Variants in TBC1D15 observed in about 807,000 individuals in gnomAD.
TBC1D15 encodes TBC1 domain family member 15.
Under a neutral mutation model 95.4 loss-of-function variants are expected in TBC1D15, and 39 were observed. The ratio of observed to expected loss-of-function variants is 0.41; its 90% confidence interval spans 0.32 to 0.53. The LOEUF (loss-of-function observed/expected upper bound fraction) is 0.53. Ranked by LOEUF, TBC1D15 falls within the 20% of genes least tolerant of loss-of-function variation. The pLI is 0.29. For missense variants in TBC1D15, 733 were observed against 794.3 expected (o/e 0.92, Z 0.93); for synonymous variants, 258 against 261.3 (o/e 0.99, Z 0.12).
chr12:71,862,470 CTG>C (rs1380282604), intron 1 of TBC1D15, among the ~76,000 whole-genome samples: 1 of 152,182 alleles, frequency 6.6e-6, no homozygotes, highest in African/African-American at 2.4e-5. Context: ...ATTTTTAAGT[CTG>C]TTTTATCTGA....
At chr12:71,856,312 A>C (rs924980966) in intron 1 of TBC1D15, among the ~76,000 whole-genome samples, 3 of 152,278 alleles carry the variant, frequency 2.0e-5, no homozygotes, top group East Asian at 1.9e-4. Context: ...TGATTAGGCT[A>C]TTCCGTTTTT....
At position 71,907,124 on chromosome 12, in the gene TBC1D15, A is replaced by G. The variant is rs1205231515; in HGVS notation, c.1286A>G (p.Tyr429Cys). ...GACATTTTGATGACCTACTGTATGT[A>G]TGATTTTGATTTAGGTAAGTTCTCT... Reference protein sequence around the residue: ...LHDILMTYCMYDFDLGYVQGM... With the variant: ...LHDILMTYCMCDFDLGYVQGM... The change falls in exon 11 of 17, where the codon TAT (tyrosine) becomes TGT (cysteine). Residue 429 changes from tyrosine (Y) to cysteine (C), a missense_variant. Physicochemically the swap from Tyr to Cys is radical, Grantham distance 194. Coordinates refer to ENST00000485960, the MANE Select transcript of TBC1D15 (RefSeq NM_001146213.3). 3 of 1,592,082 alleles carry G rather than the reference A, an allele frequency of 1.9e-6. 1 individual carries two copies. In the South Asian group the frequency reaches 3.4e-5, roughly 18 times the overall value.
intron 16 of TBC1D15, among the ~76,000 whole-genome samples, chr12:71,921,922 C>T (rs1215316812): frequency 6.6e-6 from 1 of 152,160 alleles, no homozygotes; most frequent in African/African-American, 2.4e-5. Flanking sequence ...TGAACCAAAG[C>T]AGTATACTTT....
At chr12:71,846,843 C>T (rs1422931696) in intron 1 of TBC1D15, among the ~76,000 whole-genome samples, 1 of 149,214 alleles carries the variant, frequency 6.7e-6, no homozygotes, top group African/African-American at 2.5e-5. Flanking sequence ...TTACTGCAGC[C>T]TCCGCCTCCT....
At chr12:71,865,113 G>A (rs1891207199) in intron 1 of TBC1D15, among the ~76,000 whole-genome samples, 1 of 152,200 alleles carries the variant, frequency 6.6e-6, no homozygotes, top group Admixed American at 6.5e-5. Context: ...TGTATTCTAT[G>A]TGTAGGTGCT....
At chr12:71,917,450 G>A (rs907769636) in intron 12 of TBC1D15, among the ~76,000 whole-genome samples, 2 of 152,146 alleles carry the variant, frequency 1.3e-5, no homozygotes, top group Non-Finnish European at 2.9e-5. Flanking sequence ...TGCTATGTCT[G>A]CATTCTTCTT....
chr12:71,869,708 A>T (rs1168909760), intron 1 of TBC1D15, among the ~76,000 whole-genome samples: 1 of 152,188 alleles, frequency 6.6e-6, no homozygotes, highest in Non-Finnish European at 1.5e-5. Flanking sequence ...ATTGTATTGC[A>T]GAAGGTGGAG....
intron 13 of TBC1D15, 30 bp from the exon 14 acceptor site, chr12:71,918,421 G>A: frequency 7.3e-7 from 1 of 1,363,518 alleles, no homozygotes; most frequent in Non-Finnish European, 1.0e-6. Context: ...ATAAGAGTAA[G>A]TCATATGTGT....
chr12:71,896,762 A>G lies in TBC1D15; in HGVS notation c.1070A>G (p.Gln357Arg), dbSNP rs1172505951. The G allele has an allele frequency of 6.2e-7, 1 of 1,611,104 alleles. No homozygotes were observed. The highest frequency in any genetic ancestry group is 1.1e-5 in the South Asian group (1 of 90,302). Reference protein sequence around the residue: ...PWDSTKEERTQLQKQKTDEYF... With the variant: ...PWDSTKEERTRLQKQKTDEYF... ...GACAGTACCAAGGAGGAAAGAACCC[A>G]ATTACAAAAGCAAAAAACGTAAGTA... Residue 357 changes from glutamine (Q) to arginine (R), a missense_variant, in exon 9 of 17, where the codon CAA becomes CGA. Physicochemically the swap from Gln to Arg is conservative, Grantham distance 43. Coordinates refer to ENST00000485960, the MANE Select transcript of TBC1D15 (RefSeq NM_001146213.3).
At chr12:71,875,284 A>C (rs959712979) in intron 3 of TBC1D15, among the ~76,000 whole-genome samples, 1 of 152,196 alleles carries the variant, frequency 6.6e-6, no homozygotes, top group African/African-American at 2.4e-5. Flanking sequence ...TAAATTTCTC[A>C]TCAGATGTGT....
At chr12:71,874,362 G>A (rs1893322731) in intron 3 of TBC1D15, among the ~76,000 whole-genome samples, 1 of 152,058 alleles carries the variant, frequency 6.6e-6, no homozygotes, top group South Asian at 2.1e-4. Context: ...TCTTTTCATG[G>A]GATTATTGGC....
chr12:71,893,132 T>TTTTTTTTTA, intron 5 of TBC1D15, 90 bp from the exon 6 acceptor site: 1 of 657,430 alleles, frequency 1.5e-6, no homozygotes, highest in Non-Finnish European at 2.2e-6. Flanking sequence ...TTTTTTTTTT[T>TTTTTTTTTA]TTGGTAAGGA....
chr12:71,894,929 G>A, intron 7 of TBC1D15, 46 bp downstream of exon 7: 2 of 1,538,654 alleles, frequency 1.3e-6, no homozygotes, highest in African/African-American at 1.4e-5. Flanking sequence ...TTTAACAGGA[G>A]AACATGTACT....
chr12:71,842,593 G>C (rs1245348682), intron 1 of TBC1D15, among the ~76,000 whole-genome samples: 1 of 152,148 alleles, frequency 6.6e-6, no homozygotes, highest in East Asian at 1.9e-4. Context: ...CACTTTGGGA[G>C]GCTGAGGTGG....
intron 1 of TBC1D15, among the ~76,000 whole-genome samples, chr12:71,859,767 C>G (rs1047683586): frequency 1.5e-4 from 23 of 152,012 alleles, no homozygotes; most frequent in Non-Finnish European, 2.4e-4. Flanking sequence ...ACCACCATGC[C>G]CAGCTGATTT....
At chr12:71,915,114 T>G (rs1903377842) in intron 12 of TBC1D15, among the ~76,000 whole-genome samples, 1 of 152,066 alleles carries the variant, frequency 6.6e-6, no homozygotes, top group Admixed American at 6.6e-5. Flanking sequence ...GGTAATGTCA[T>G]AGTTTGTCTT....
chr12:71,887,619 A>G lies in TBC1D15; in HGVS notation c.554+2598A>G, dbSNP rs117452341. Among the ~76,000 whole-genome samples the G allele has an allele frequency of 2.7e-3, 418 of 152,116 alleles. 1 individual carries two copies. The highest frequency in any genetic ancestry group is 4.7e-3 in the Non-Finnish European group (319 of 68,006). On this transcript the variant is annotated intron_variant, in intron 5 of 16. Transcript: ENST00000485960. ...CTTGGAATATTTTCCTCTCTTTCTG[A>G]TCCCTGAGGTCTCCATTTAATGTCA...
chr12:71,856,313 TTC>T (rs1446611336), intron 1 of TBC1D15, among the ~76,000 whole-genome samples: 1 of 152,164 alleles, frequency 6.6e-6, no homozygotes, highest in Non-Finnish European at 1.5e-5. Flanking sequence ...GATTAGGCTA[TTC>T]CGTTTTTACA....
intron 11 of TBC1D15, among the ~76,000 whole-genome samples, chr12:71,911,792 TAAAAAA>T (rs988333018): frequency 7.0e-6 from 1 of 143,568 alleles, no homozygotes; most frequent in Admixed American, 6.9e-5. Flanking sequence ...ACTGTAAAAA[TAAAAAA>T]AATAAAATAG....
Sources: gnomAD v4.1 joint callset for allele counts (sites outside exome capture counted in the v4.1 genomes callset) on GRCh38, gnomAD v4.1.1 for gene constraint, MANE v1.5 for transcripts, NCBI Gene and HGNC (gene_info 2026-07-23, HGNC 2026-07-21) for gene names.